The following ZZEF1 variants were observed in gnomAD, a reference collection of about 807,000 sequenced individuals.
The protein encoded by ZZEF1 is zinc finger ZZ-type and EF-hand domain-containing protein 1.
A neutral mutation model predicts 342.8 loss-of-function variants in ZZEF1; 157 were observed. The observed-to-expected ratio is 0.46, with a 90% CI of 0.40 to 0.52. ZZEF1 has a LOEUF of 0.52. ZZEF1 is among the 20% of genes least tolerant of loss of function. The probability of loss-of-function intolerance (pLI) is 0.00; values close to 1 mark genes in which losing one functional copy is unlikely to be tolerated. For synonymous variants in ZZEF1, 1,505 were observed against 1,429.1 expected (o/e 1.05, Z -1.20); for missense variants, 3,480 against 3,725.6 (o/e 0.93, Z 1.72).
At chr17:4,084,987 C>T (rs892558944) in intron 16 of ZZEF1, among the ~76,000 whole-genome samples, 1 of 152,088 alleles carries the variant, frequency 6.6e-6, no homozygotes, top group Admixed American at 6.6e-5. Flanking sequence ...TGGCATGCAC[C>T]AGTAGTCCCA....
chr17:4,114,648 G>A (rs114196832), intron 3 of ZZEF1, among the ~76,000 whole-genome samples, 178 bp from the exon 4 acceptor site: 75 of 152,088 alleles, frequency 4.9e-4, no homozygotes, highest in African/African-American at 1.8e-3. Flanking sequence ...GGGTTTTCAC[G>A]CACATGTGTC....
At chr17:4,045,254 C>T (rs567287217) in intron 37 of ZZEF1, among the ~76,000 whole-genome samples, 2 of 152,236 alleles carry the variant, frequency 1.3e-5, no homozygotes, top group South Asian at 2.1e-4. Flanking sequence ...CTATTAAAAA[C>T]CTCTCATACA....
intron 27 of ZZEF1, 110 bp from the exon 28 acceptor site, chr17:4,066,650 A>G: frequency 3.3e-6 from 3 of 900,244 alleles, no homozygotes; most frequent in Non-Finnish European, 5.4e-6. Context: ...AGTACTTCAC[A>G]GTTGTATCAT....
chr17:4,045,579 T>C (rs772076676), intron 37 of ZZEF1, among the ~76,000 whole-genome samples: 1 of 152,200 alleles, frequency 6.6e-6, no homozygotes, highest in Non-Finnish European at 1.5e-5. Context: ...TGAAGCTATT[T>C]TATTGCTGTA....
chr17:4,105,573 TA>T, intron 7 of ZZEF1, 119 bp downstream of exon 7: 1 of 834,854 alleles, frequency 1.2e-6, no homozygotes, highest in Non-Finnish European at 1.9e-6. Flanking sequence ...CTTTAGCTGC[TA>T]AAAAGCAACC....
rs764278021 is a variant in ZZEF1, at chr17:4,028,161, AT to A, written c.6893-3044del. Among the ~76,000 whole-genome samples, 29 of 152,194 alleles carry A rather than the reference AT, an allele frequency of 1.9e-4. 1 individual carries two copies. The highest frequency in any genetic ancestry group is 1.8e-3 in the Admixed American group (27 of 15,276). On this transcript the variant is annotated intron_variant, in intron 42 of 54. Transcript: ENST00000381638. ...ACCATTTCACATATAGTGTCAGAAC[AT>A]TACAACATTTTCCACTCCATTCTTT...
chr17:4,009,179 G>A (rs1007764285), intron 53 of ZZEF1: 22 of 599,690 alleles, frequency 3.7e-5, no homozygotes, highest in Admixed American at 1.2e-4. Context: ...TGACCAGGCC[G>A]GGACCCCTCC....
intron 42 of ZZEF1, among the ~76,000 whole-genome samples, chr17:4,029,187 T>G (rs973931000): frequency 3.3e-5 from 5 of 152,090 alleles, no homozygotes; most frequent in Non-Finnish European, 7.4e-5. Context: ...ACATGGAAAC[T>G]CCATGAAAAC....
At chr17:4,123,454 C>CA (rs1232770293) in intron 2 of ZZEF1, among the ~76,000 whole-genome samples, 6 of 150,622 alleles carry the variant, frequency 4.0e-5, no homozygotes, top group East Asian at 1.9e-4. Flanking sequence ...TACCACATGC[C>CA]AAAAAAAATG....
chr17:4,008,969 C>T lies in ZZEF1; in HGVS notation c.8734-15G>A, dbSNP rs760920797. On this transcript the variant is annotated splice_polypyrimidine_tract_variant and intron_variant, in intron 53 of 54. Coordinates refer to ENST00000381638, the MANE Select transcript of ZZEF1 (RefSeq NM_015113.4). The surrounding 1 kb of genome is among the most constrained non-coding windows in gnomAD (Gnocchi z 4.2). ...ACGCCAAGCTCCTGCAGAGAGAGAG[C>T]AGGGGCTGTGAGTGACAGCGCCAGA... The T allele has an allele frequency of 5.8e-5, 90 of 1,538,904 alleles. No homozygotes were observed. Among genetic ancestry groups the T allele is most frequent in the Middle Eastern group, 1.7e-4 (1 of 5,826 alleles).
rs79443346 is a variant in ZZEF1 at position 4,042,671 on chromosome 17, G to A, written c.6167-103C>T. On this transcript the variant is annotated intron_variant, in intron 38 of 54. Transcript: ENST00000381638. ...CCCTGTGCTGCTACGGAATAAAGCT[G>A]GGATTTTATTCATTTATTTTTTAAA... 2,730 of 1,226,720 alleles carry A rather than the reference G, an allele frequency of 2.2e-3. 40 individuals carry two copies. The African/African-American group carries it at 0.037, about 17-fold the overall frequency. 76.0% of individuals were successfully genotyped at this position (1,226,720 alleles called of 1,614,324 possible).
chr17:4,059,385 A>C, intron 30 of ZZEF1, 95 bp from the exon 31 acceptor site: 1 of 1,484,516 alleles, frequency 6.7e-7, no homozygotes, highest in Non-Finnish European at 9.0e-7. Context: ...AGCAAGTGGC[A>C]GTCAGCTGAG....
chr17:4,062,653 C>T, intron 30 of ZZEF1, 100 bp downstream of exon 30: 1 of 1,309,970 alleles, frequency 7.6e-7, no homozygotes, highest in South Asian at 1.6e-5. Context: ...ACATTTGTAT[C>T]CTACATAGAA....
At chr17:4,097,122 G>A (rs2058048370) in intron 9 of ZZEF1, among the ~76,000 whole-genome samples, 2 of 151,896 alleles carry the variant, frequency 1.3e-5, no homozygotes, top group Admixed American at 6.6e-5. Flanking sequence ...TTATCCAGGT[G>A]TGGTGGCGGG....
At chr17:4,138,298 G>T (rs537368025) in intron 1 of ZZEF1, among the ~76,000 whole-genome samples, 7 of 152,214 alleles carry the variant, frequency 4.6e-5, no homozygotes, top group African/African-American at 1.7e-4. Flanking sequence ...ACAGTTCCTG[G>T]GCTCAAAGCC....
chr17:4,121,320 A>G (rs2058479134), intron 2 of ZZEF1, among the ~76,000 whole-genome samples: 1 of 152,188 alleles, frequency 6.6e-6, no homozygotes, highest in Non-Finnish European at 1.5e-5. Flanking sequence ...CGCTAAGATA[A>G]AAGCTAGCTA....
At chr17:4,139,536 G>A (rs1597956570) in intron 1 of ZZEF1, among the ~76,000 whole-genome samples, 2 of 152,288 alleles carry the variant, frequency 1.3e-5, no homozygotes, top group East Asian at 1.9e-4. Context: ...GATTAACAAC[G>A]CAGAATTAAC....
chr17:4,011,131 G>T (rs72827321), intron 52 of ZZEF1, among the ~76,000 whole-genome samples: 1,843 of 152,112 alleles, frequency 0.012, 29 homozygotes, highest in Non-Finnish European at 0.017. Flanking sequence ...GCCAGGAGCG[G>T]TGGCTCATAC....
At position 4,075,043 on chromosome 17, in the gene ZZEF1, A is replaced by G. The variant is rs938402871; in HGVS notation, c.3483+54T>C. 3.9e-5 allele frequency: 62 copies of G among 1,586,478 alleles called. No homozygotes were observed. In the South Asian group the frequency reaches 6.6e-4, roughly 17 times the overall value. On this transcript the variant is annotated intron_variant, in intron 23 of 54. Transcript: ENST00000381638. ...CTCTACTGCCCCCTGAAGGCTGACAAAAGGAAAAGCATTGGTGCAGAAGTA... is the reference window on the plus strand; with the variant it reads ...CTCTACTGCCCCCTGAAGGCTGACAGAAGGAAAAGCATTGGTGCAGAAGTA...
Sources: gnomAD v4.1 joint callset for allele counts (sites outside exome capture counted in the v4.1 genomes callset) on GRCh38, gnomAD v4.1.1 for gene constraint, Gnocchi (gnomAD v3.1) non-coding constraint, MANE v1.5 for transcripts, NCBI Gene and HGNC (gene_info 2026-07-23, HGNC 2026-07-21) for gene names.